RELN: variants seen among roughly 807,000 people sequenced by gnomAD.
The protein encoded by RELN is reelin.
In RELN, 108 loss-of-function variants were observed where a neutral mutation model predicts 427.6. The ratio of observed to expected loss-of-function variants is 0.25; its 90% CI spans 0.22 to 0.30. The LOEUF is 0.30. Ranked by LOEUF, RELN falls within the 10% of genes least tolerant of loss-of-function variation. The pLI, the probability that RELN is intolerant of heterozygous loss-of-function variation, is 1.00. For missense variants in RELN, 3,715 were observed against 4,302.8 expected (o/e 0.86, Z 3.82); for synonymous variants, 1,524 against 1,513.4 (o/e 1.01, Z -0.16).
At chr7:103,974,232 A>T (rs777989545) in intron 1 of RELN, among the ~76,000 whole-genome samples, 18 of 152,210 alleles carry the variant, frequency 1.2e-4, no homozygotes, top group Admixed American at 2.0e-4. Flanking sequence ...CTCACTGAAG[A>T]TCCAAAACAA....
rs1584364699 is a variant in RELN, at chr7:103,917,194, TAAGA to T, written c.227-13_227-10del. 1.9e-6 allele frequency: 3 copies of T among 1,602,434 alleles called. No individual in the cohort carries two copies. In the South Asian group the frequency reaches 3.3e-5, roughly 18 times the overall value. On this transcript the variant is annotated splice_polypyrimidine_tract_variant and intron_variant, in intron 1 of 64. Coordinates refer to ENST00000428762, the MANE Select transcript of RELN (RefSeq NM_005045.4). ...GCTTGTTGAAATTGTCACTGAAATG[TAAGA>T]AAGAAAAAAAAAACTCTCAATACAG...
intron 1 of RELN, among the ~76,000 whole-genome samples, chr7:103,969,716 A>G (rs1456951740): frequency 1.3e-5 from 2 of 152,264 alleles, no homozygotes; most frequent in Non-Finnish European, 2.9e-5. Context: ...AGGATTCAGG[A>G]AGTTTCTCCA....
chr7:103,876,276 T>C (rs1794476004), intron 2 of RELN, among the ~76,000 whole-genome samples: 1 of 152,168 alleles, frequency 6.6e-6, no homozygotes, highest in Non-Finnish European at 1.5e-5. Flanking sequence ...CTTCATCCTC[T>C]AAATACAGAT....
chr7:103,590,283 G>T (rs1831379256), intron 27 of RELN, among the ~76,000 whole-genome samples: 1 of 152,270 alleles, frequency 6.6e-6, no homozygotes, highest in South Asian at 2.1e-4. Context: ...GTGTCAACCG[G>T]CTGGGTGCGG....
At chr7:103,765,951 A>G (rs1401807515) in intron 4 of RELN, among the ~76,000 whole-genome samples, 1 of 152,250 alleles carries the variant, frequency 6.6e-6, no homozygotes. Context: ...GGAAATTAAA[A>G]GAATAATCAG....
At chr7:103,672,934 T>A (rs879666836) in intron 11 of RELN, among the ~76,000 whole-genome samples, 9 of 152,262 alleles carry the variant, frequency 5.9e-5, no homozygotes, top group Middle Eastern at 3.4e-3. Flanking sequence ...AATTCTATCT[T>A]ATTTTAATAT....
chr7:103,636,443 C>T lies in RELN; in HGVS notation c.2095G>A (p.Ala699Thr), dbSNP rs543233426. 6.4e-5 allele frequency: 103 copies of T among 1,613,506 alleles called. No homozygotes were observed. Among genetic ancestry groups the T allele is most frequent in the Non-Finnish European group, 8.2e-5 (97 of 1,179,714 alleles). Residue 699 changes from alanine to threonine, a missense_variant, in exon 18 of 65, where the codon GCT (alanine) becomes ACT (threonine). Ala to Thr is a moderately conservative substitution (Grantham distance 58, BLOSUM62 0). Transcript: ENST00000428762. ...AATGTCTGGGATGCCATCTCACAAG[C>T]TGGGCCAGAAAATCCAGGGTCACAC... ...CKCDPGFSGP[A>T]CEMASQTFPM...
At position 103,749,443 on chromosome 7, in the gene RELN, T is replaced by C. The variant is rs1790937237; in HGVS notation, c.639A>G (p.Gln213=). 1.9e-6 allele frequency: 3 copies of C among 1,612,654 alleles called. No individual in the cohort carries two copies. The highest frequency in any genetic ancestry group is 1.1e-5 in the South Asian group (1 of 91,068). ...TAACTTACCATATATTTGGATTTAATTGCAGTTGGTGGTAGGAGTCAAAGT... is the reference window on the plus strand; with the variant it reads ...TAACTTACCATATATTTGGATTTAACTGCAGTTGGTGGTAGGAGTCAAAGT... The part of the protein sequence containing the change: ...RDDFDSYHQL[Q]LNPNIWVECN... Residue 213 remains glutamine (Q), a synonymous_variant, in exon 6 of 65, where the codon CAA becomes CAG. Transcript: ENST00000428762.
At chr7:103,515,677 AAT>A (rs1374526741) in intron 49 of RELN, among the ~76,000 whole-genome samples, 1 of 152,190 alleles carries the variant, frequency 6.6e-6, no homozygotes, top group Non-Finnish European at 1.5e-5. Context: ...CAGAACTCCC[AAT>A]TGGTTCTGTC....
At chr7:103,665,353 T>A (rs1833238465) in intron 11 of RELN, among the ~76,000 whole-genome samples, 1 of 130,366 alleles carries the variant, frequency 7.7e-6, no homozygotes, top group African/African-American at 3.1e-5. Flanking sequence ...TGTGTGTGTG[T>A]GTGTGTGTGT....
chr7:103,816,982 G>A (rs1224744776), intron 3 of RELN, among the ~76,000 whole-genome samples: 1 of 152,000 alleles, frequency 6.6e-6, no homozygotes, highest in Non-Finnish European at 1.5e-5. Context: ...CTCCCAAGTA[G>A]CTGGGACTAT....
intron 2 of RELN, 113 bp downstream of exon 2, chr7:103,916,961 AT>A: frequency 1.2e-6 from 1 of 844,814 alleles, no homozygotes. Context: ...AACACTTCAG[AT>A]TATTTTCTTG....
intron 7 of RELN, among the ~76,000 whole-genome samples, chr7:103,724,377 G>A (rs746740718): frequency 3.3e-5 from 5 of 152,070 alleles, no homozygotes; most frequent in African/African-American, 2.4e-5. Flanking sequence ...TTGCTCTGTC[G>A]GAATTCAGTT....
At chr7:103,562,792 C>T (rs116028921) in intron 34 of RELN, among the ~76,000 whole-genome samples, 2,366 of 152,326 alleles carry the variant, frequency 0.016, 54 homozygotes, top group African/African-American at 0.053. Context: ...CACAGCAACA[C>T]TGTTTACCAC....
chr7:103,638,065 A>T (rs1208833503), intron 17 of RELN, among the ~76,000 whole-genome samples: 1 of 140,940 alleles, frequency 7.1e-6, no homozygotes, highest in African/African-American at 2.8e-5. Context: ...GTTTTTTAAA[A>T]ATATTTTTTA....
At chr7:103,597,885 C>A (rs574821698) in intron 24 of RELN, among the ~76,000 whole-genome samples, 13 of 152,254 alleles carry the variant, frequency 8.5e-5, no homozygotes, top group African/African-American at 3.1e-4. Context: ...GCTAATGGGG[C>A]TGAAGAAAGG....
At chr7:103,926,632 T>G (rs1346322533) in intron 1 of RELN, among the ~76,000 whole-genome samples, 63 of 21,240 alleles carry the variant, frequency 3.0e-3, no homozygotes, top group African/African-American at 0.021. Flanking sequence ...CATAAGTTTT[T>G]TTTTTTTTTT....
intron 2 of RELN, among the ~76,000 whole-genome samples, chr7:103,838,873 T>C (rs1793480006): frequency 6.6e-6 from 1 of 152,220 alleles, no homozygotes. Flanking sequence ...CTACCTTGGG[T>C]GAATATGCCA....
chr7:103,538,601 T>A (rs933955365), intron 45 of RELN, among the ~76,000 whole-genome samples: 2 of 152,098 alleles, frequency 1.3e-5, no homozygotes, highest in Non-Finnish European at 2.9e-5. Context: ...TGGGGGGATA[T>A]AGAGAGGAGA....
Sources: gnomAD v4.1 joint callset for allele counts (sites outside exome capture counted in the v4.1 genomes callset) on GRCh38, gnomAD v4.1.1 for gene constraint, MANE v1.5 for transcripts, NCBI Gene and HGNC (gene_info 2026-07-23, HGNC 2026-07-21) for gene names.